Variants in GABRA5 observed in about 807,000 individuals in gnomAD.
GABRA5 encodes the protein gamma-aminobutyric acid receptor subunit alpha-5.
GABRA5 carries 18 observed loss-of-function variants against 47.3 expected under a neutral mutation model. The ratio of observed to expected loss-of-function variants is 0.38; its 90% CI spans 0.26 to 0.56. The LOEUF (loss-of-function observed/expected upper bound fraction) is 0.56. Among genes scored for constraint, GABRA5 ranks in the 20% least tolerant of loss-of-function variants. The probability of loss-of-function intolerance (pLI) is 0.71; values close to 1 mark genes in which losing one functional copy is unlikely to be tolerated. For synonymous variants in GABRA5, 237 were observed against 229.3 expected (o/e 1.03, Z -0.30); for missense variants, 365 against 599.3 (o/e 0.61, Z 4.08).
At chr15:26,904,408 C>T (rs1893394761) in intron 6 of GABRA5, among the ~76,000 whole-genome samples, 1 of 152,008 alleles carries the variant, frequency 6.6e-6, no homozygotes, top group Admixed American at 6.6e-5. Context: ...ATGTCTCCTG[C>T]TTTGTTCTTT....
intron 7 of GABRA5, among the ~76,000 whole-genome samples, chr15:26,935,095 A>G (rs1894205988): frequency 6.6e-6 from 1 of 152,146 alleles, no homozygotes; most frequent in Non-Finnish European, 1.5e-5. Context: ...CAGAGAAGGA[A>G]TTTAGTGTTG....
chr15:26,904,818 C>T (rs1893404621), intron 6 of GABRA5, among the ~76,000 whole-genome samples: 1 of 151,916 alleles, frequency 6.6e-6, no homozygotes, highest in Non-Finnish European at 1.5e-5. Flanking sequence ...GATTTTGTAT[C>T]CTGAAACTTT....
At chr15:26,884,233 T>G (rs1312500050) in intron 6 of GABRA5, among the ~76,000 whole-genome samples, 1 of 152,180 alleles carries the variant, frequency 6.6e-6, no homozygotes, top group Non-Finnish European at 1.5e-5. Flanking sequence ...TTTCTTTTGT[T>G]GCAATTGTGT....
chr15:26,912,825 G>A (rs1893630227), intron 6 of GABRA5, among the ~76,000 whole-genome samples: 1 of 152,220 alleles, frequency 6.6e-6, no homozygotes, highest in Non-Finnish European at 1.5e-5. Flanking sequence ...GAAATCATAA[G>A]TGAAGTGGTC....
chr15:26,877,251 T>C (rs896486295), intron 3 of GABRA5, among the ~76,000 whole-genome samples: 6 of 152,236 alleles, frequency 3.9e-5, no homozygotes, highest in Non-Finnish European at 7.3e-5. Context: ...TGACCCTCAC[T>C]GTCCAGCCAG....
rs1276229312 is a variant in GABRA5 at position 26,867,593 on chromosome 15, G to C, written c.-140+482G>C. 1.3e-5 allele frequency among the ~76,000 whole-genome samples: 2 copies of C among 152,074 alleles called. No homozygotes were observed. The highest frequency in any genetic ancestry group is 2.9e-5 in the Non-Finnish European group (2 of 68,000). On this transcript the variant is annotated intron_variant, in intron 1 of 10. Coordinates refer to ENST00000335625, the MANE Select transcript of GABRA5 (RefSeq NM_000810.4). The surrounding 1 kb of genome is among the most constrained non-coding windows in gnomAD (Gnocchi z 5.9). ...CCTGGCGACTGCGGGGCTGAAGCCG[G>C]GCGCGGGAGAGAGCGGGGTCCGGGC... is the stretch of plus-strand genomic sequence containing the variant.
At chr15:26,928,880 C>T (rs758316821) in intron 7 of GABRA5, among the ~76,000 whole-genome samples, 11 of 152,056 alleles carry the variant, frequency 7.2e-5, no homozygotes, top group African/African-American at 2.4e-4. Flanking sequence ...TGCCCTCACA[C>T]GATGGAAGGG....
chr15:26,885,790 T>C (rs1375142311), intron 6 of GABRA5, among the ~76,000 whole-genome samples: 1 of 152,070 alleles, frequency 6.6e-6, no homozygotes, highest in Non-Finnish European at 1.5e-5. Flanking sequence ...ACAGCAGGTG[T>C]GGAGACAGAG....
intron 7 of GABRA5, 30 bp from the exon 8 acceptor site, chr15:26,937,155 T>G (rs574250487): frequency 1.2e-6 from 2 of 1,612,814 alleles, no homozygotes; most frequent in East Asian, 2.2e-5. Flanking sequence ...ATTTCATGTT[T>G]ATGTCACTTT....
In GABRA5 at chr15:26,879,496, G is replaced by A. The variant is rs529710745; in HGVS notation, c.87-1350G>A. Among the ~76,000 whole-genome samples the A allele has an allele frequency of 1.1e-4, 17 of 152,250 alleles. No individual in the cohort carries two copies. The East Asian group carries it at 1.7e-3, about 16-fold the overall frequency. On this transcript the variant is annotated intron_variant, in intron 3 of 10. Coordinates refer to ENST00000335625, the MANE Select transcript of GABRA5 (RefSeq NM_000810.4). ...AAAAAAGTATACATCTGTGGGCTCC[G>A]TACTAACAGGAGTGAATTTTAGCTT...
intron 7 of GABRA5, among the ~76,000 whole-genome samples, chr15:26,927,622 A>G (rs541957018): frequency 1.1e-4 from 16 of 152,336 alleles, no homozygotes; most frequent in African/African-American, 3.6e-4. Context: ...TGATAATTCT[A>G]AGAGAAGAAT....
chr15:26,945,260 C>T (rs528779275), intron 10 of GABRA5, among the ~76,000 whole-genome samples: 1 of 152,218 alleles, frequency 6.6e-6, no homozygotes, highest in Non-Finnish European at 1.5e-5. Context: ...ACCCCGCGGT[C>T]AGACACTGGC....
chr15:26,911,365 CTGCA>C lies in GABRA5; in HGVS notation c.498-3433_498-3430del, dbSNP rs201894001. Among the ~76,000 whole-genome samples the C allele has an allele frequency of 7.5e-3, 994 of 133,386 alleles. 5 individuals are homozygous for C. The highest frequency in any genetic ancestry group is 0.021 in the Middle Eastern group (6 of 282). 87.5% of individuals were successfully genotyped at this position (133,386 alleles called of 152,430 possible). ...TGTACCCTCCCTGCCCCCACCCTTG[CTGCA>C]TGCACACACACACACACACACACAC... is the stretch of plus-strand genomic sequence containing the variant. On this transcript the variant is annotated intron_variant, in intron 6 of 10. Transcript: ENST00000335625.
At chr15:26,895,989 C>T (rs1398320684) in intron 6 of GABRA5, among the ~76,000 whole-genome samples, 1 of 152,014 alleles carries the variant, frequency 6.6e-6, no homozygotes, top group East Asian at 1.9e-4. Flanking sequence ...TGGTCCGGAT[C>T]CCCTTCCACC....
At chr15:26,917,291 G>A (rs1412417729) in intron 7 of GABRA5, among the ~76,000 whole-genome samples, 6 of 152,000 alleles carry the variant, frequency 3.9e-5, no homozygotes, top group Admixed American at 3.9e-4. Flanking sequence ...GAAAGGGTGT[G>A]GAATTTTGTC....
intron 6 of GABRA5, among the ~76,000 whole-genome samples, chr15:26,891,067 A>G (rs892516674): frequency 6.6e-6 from 1 of 152,212 alleles, no homozygotes; most frequent in African/African-American, 2.4e-5. Flanking sequence ...TGGTTTGAAA[A>G]CGTGACCAGA....
At chr15:26,873,570 T>C (rs925933779) in intron 3 of GABRA5, among the ~76,000 whole-genome samples, 10 of 152,218 alleles carry the variant, frequency 6.6e-5, no homozygotes, top group Non-Finnish European at 1.0e-4. Flanking sequence ...TGGACGTTTG[T>C]TTTTGTGAAG....
chr15:26,919,093 T>G (rs1893782318), intron 7 of GABRA5, among the ~76,000 whole-genome samples: 1 of 152,144 alleles, frequency 6.6e-6, no homozygotes, highest in South Asian at 2.1e-4. Context: ...AGGTGAGCCA[T>G]ATTTACCCCA....
At chr15:26,906,432 G>T (rs1228124038) in intron 6 of GABRA5, among the ~76,000 whole-genome samples, 3 of 152,160 alleles carry the variant, frequency 2.0e-5, no homozygotes, top group Non-Finnish European at 4.4e-5. Context: ...TGTGGAGTTT[G>T]AAGGTCAGCC....
Sources: gnomAD v4.1 joint callset for allele counts (sites outside exome capture counted in the v4.1 genomes callset) on GRCh38, gnomAD v4.1.1 for gene constraint, Gnocchi (gnomAD v3.1) non-coding constraint, MANE v1.5 for transcripts, NCBI Gene and HGNC (gene_info 2026-07-23, HGNC 2026-07-21) for gene names.